Variants in WDR27 observed in about 807,000 individuals in gnomAD.
The protein encoded by WDR27 is WD repeat-containing protein 27.
WDR27 carries 100 observed loss-of-function variants against 114.4 expected under a neutral mutation model. That is an observed-to-expected ratio of 0.87 (90% CI 0.74 to 1.03). The LOEUF (loss-of-function observed/expected upper bound fraction) is 1.03, where lower values mean the gene tolerates loss of function less well. Among genes scored for constraint, WDR27 ranks in the 50% least tolerant of loss-of-function variants. The pLI is 0.00. For missense variants in WDR27, 1,129 were observed against 1,092.9 expected (o/e 1.03, Z -0.47); for synonymous variants, 449 against 423.1 (o/e 1.06, Z -0.75).
At chr6:169,631,449 A>C (rs375008650) in intron 21 of WDR27, among the ~76,000 whole-genome samples, 137 of 152,276 alleles carry the variant, frequency 9.0e-4, no homozygotes, top group African/African-American at 2.0e-3. Flanking sequence ...GATTAAAAGG[A>C]AGGCAAGATA....
intron 5 of WDR27, among the ~76,000 whole-genome samples, chr6:169,667,660 G>C (rs1828231641): frequency 6.6e-6 from 1 of 152,300 alleles, no homozygotes; most frequent in South Asian, 2.1e-4. Flanking sequence ...CCACACCCTG[G>C]GACTGGCTCT....
At chr6:169,592,518 G>C (rs1208452005) in intron 23 of WDR27, among the ~76,000 whole-genome samples, 1 of 152,016 alleles carries the variant, frequency 6.6e-6, no homozygotes, top group Non-Finnish European at 1.5e-5. Flanking sequence ...AAAGACCATT[G>C]AATTCCATAT....
chr6:169,559,214 T>G (rs1311871110), intron 25 of WDR27: 2 of 152,218 alleles, frequency 1.3e-5, no homozygotes, highest in Non-Finnish European at 2.9e-5. Flanking sequence ...TTTTTGGCTC[T>G]TATATAAATC....
chr6:169,635,967 G>C (rs1817581440), intron 19 of WDR27, among the ~76,000 whole-genome samples: 1 of 152,126 alleles, frequency 6.6e-6, no homozygotes, highest in African/African-American at 2.4e-5. Flanking sequence ...CAAAGATAGT[G>C]AAATGTTAAT....
intron 25 of WDR27, among the ~76,000 whole-genome samples, chr6:169,525,553 A>G (rs1794874467): frequency 6.6e-6 from 1 of 151,780 alleles, no homozygotes; most frequent in Admixed American, 6.6e-5. Context: ...AAAAAAAGAA[A>G]AAAGAAAAAA....
intron 25 of WDR27, among the ~76,000 whole-genome samples, chr6:169,459,282 A>C (rs933786037): frequency 2.0e-5 from 3 of 152,104 alleles, no homozygotes; most frequent in Non-Finnish European, 4.4e-5. Flanking sequence ...GAAACAAAAA[A>C]ATTTTCAAGC....
chr6:169,440,261 T>C, the WDR27 span, among the ~76,000 whole-genome samples: 1 of 152,248 alleles, frequency 6.6e-6, no homozygotes, highest in Admixed American at 6.5e-5. Context: ...ATTATCTACC[T>C]GTAGGCTGGA....
chr6:169,667,936 C>G (rs1037199517), intron 5 of WDR27, 46 bp downstream of exon 5: 2 of 1,548,586 alleles, frequency 1.3e-6, no homozygotes. Context: ...CAGTTCTTTC[C>G]ACAGCACGTG....
chr6:169,549,524 A>G (rs971168607), intron 25 of WDR27, among the ~76,000 whole-genome samples: 1 of 152,206 alleles, frequency 6.6e-6, no homozygotes. Flanking sequence ...ACTCCTTGGT[A>G]TTTACCAAAA....
chr6:169,580,954 C>CATATAT (rs71010607), intron 24 of WDR27, among the ~76,000 whole-genome samples: 1 of 88,514 alleles, frequency 1.1e-5, no homozygotes, highest in Non-Finnish European at 3.0e-5. Context: ...TATATATATA[C>CATATAT]ATATATATAT....
intron 25 of WDR27, among the ~76,000 whole-genome samples, chr6:169,510,778 T>C (rs1792730421): frequency 6.6e-6 from 1 of 151,986 alleles, no homozygotes; most frequent in Admixed American, 6.6e-5. Flanking sequence ...ACTTAAAGTA[T>C]AATAATAATA....
chr6:169,603,696 G>C (rs1808517931), intron 22 of WDR27, among the ~76,000 whole-genome samples: 1 of 152,186 alleles, frequency 6.6e-6, no homozygotes, highest in African/African-American at 2.4e-5. Flanking sequence ...AGGTGATCCA[G>C]GGCCAGGCTC....
downstream of WDR27, among the ~76,000 whole-genome samples, chr6:169,455,554 G>C (rs1174307465): frequency 6.6e-6 from 1 of 152,210 alleles, no homozygotes; most frequent in Non-Finnish European, 1.5e-5. Flanking sequence ...AGATCTCTAA[G>C]GCATCCACTC....
chr6:169,552,975 T>TGTGTGTGTGG (rs1562571445), intron 25 of WDR27, among the ~76,000 whole-genome samples: 1 of 45,928 alleles, frequency 2.2e-5, no homozygotes, highest in African/African-American at 1.3e-4. Context: ...GCCTGCCCGG[T>TGTGTGTGTGG]GTGTGTGTGT....
intron 25 of WDR27, among the ~76,000 whole-genome samples, chr6:169,548,365 A>C (rs1319942726): frequency 7.9e-5 from 12 of 152,208 alleles, no homozygotes; most frequent in Admixed American, 7.8e-4. Context: ...AAAAACTATA[A>C]TAAACAATAA....
downstream of WDR27, among the ~76,000 whole-genome samples, chr6:169,452,260 C>T (rs1041907714): frequency 1.3e-5 from 2 of 152,244 alleles, no homozygotes; most frequent in African/African-American, 2.4e-5. Flanking sequence ...CTGGAACGAA[C>T]CCAGACTCCT....
At chr6:169,575,995 G>A (rs1327734606) in intron 24 of WDR27, among the ~76,000 whole-genome samples, 2 of 152,230 alleles carry the variant, frequency 1.3e-5, no homozygotes, top group Admixed American at 6.5e-5. Flanking sequence ...CTGAAGAAGC[G>A]TTGCTATTTC....
At chr6:169,538,669 G>T (rs1796474110) in intron 25 of WDR27, among the ~76,000 whole-genome samples, 1 of 148,410 alleles carries the variant, frequency 6.7e-6, no homozygotes, top group African/African-American at 2.5e-5. Context: ...ATTTATATAG[G>T]CCTGCAACAT....
intron 25 of WDR27, among the ~76,000 whole-genome samples, chr6:169,552,991 TGTGTGTGTG>T (rs1798372864): frequency 8.0e-6 from 1 of 124,310 alleles, no homozygotes; most frequent in African/African-American, 3.0e-5. Flanking sequence ...TGTGTGTGTG[TGTGTGTGTG>T]TGTGTGTGTG....
Sources: gnomAD v4.1 joint callset for allele counts (sites outside exome capture counted in the v4.1 genomes callset) on GRCh38, gnomAD v4.1.1 for gene constraint, MANE v1.5 for transcripts, NCBI Gene and HGNC (gene_info 2026-07-23, HGNC 2026-07-21) for gene names.